ACBD5: variants seen among roughly 807,000 people sequenced by gnomAD.
The protein encoded by ACBD5 is acyl-CoA-binding domain-containing protein 5.
In ACBD5, 40 loss-of-function variants were observed where a neutral mutation model predicts 71.8. That is an observed-to-expected ratio of 0.56 (90% CI 0.43 to 0.72). ACBD5 has a LOEUF of 0.72. ACBD5 is among the 30% of genes least tolerant of loss of function. ACBD5 has a pLI of 0.00. For synonymous variants in ACBD5, 229 were observed against 218.6 expected (o/e 1.05, Z -0.42); for missense variants, 559 against 644.5 (o/e 0.87, Z 1.44).
In ACBD5 at chr10:27,195,849, A is replaced by G. The variant is rs754321564; in HGVS notation, c.*1581T>C. 25 of 449,014 alleles carry G rather than the reference A, an allele frequency of 5.6e-5. No homozygotes were observed. The highest frequency in any genetic ancestry group is 5.0e-4 in the African/African-American group (25 of 49,782). 27.8% of individuals were successfully genotyped at this position (449,014 alleles called of 1,614,324 possible). The stretch of plus-strand genomic sequence containing the variant: ...ACTAAAGACAGATTATTTCTTATTT[A>G]AAACACTGTGAACATATGATGTTAA... On this transcript the variant is annotated 3_prime_UTR_variant, in exon 13 of 13. Transcript: ENST00000396271.
intron 4 of ACBD5, among the ~76,000 whole-genome samples, chr10:27,229,596 G>A (rs2063591686): frequency 6.6e-6 from 1 of 151,974 alleles, no homozygotes; most frequent in Non-Finnish European, 1.5e-5. Context: ...AATTTAACAA[G>A]TGCTTCAATT....
Position 27,219,883 on chromosome 10 carries a change from C to T in ACBD5, c.491-26G>A, listed in dbSNP as rs550468090. ...CTAAAACATGAAATGACCACTTACT[C>T]ACAATGTGATAATATACAATAATGT... On this transcript the variant is annotated intron_variant, in intron 5 of 12. Coordinates refer to ENST00000396271, the MANE Select transcript of ACBD5 (RefSeq NM_145698.5). The T allele has an allele frequency of 3.1e-6, 5 of 1,611,318 alleles. No individual in the cohort carries two copies. The East Asian group carries it at 8.9e-5, about 29-fold the overall frequency.
intron 13 of ACBD5, among the ~76,000 whole-genome samples, chr10:27,184,504 A>G (rs1019236840): frequency 1.3e-5 from 2 of 151,626 alleles, no homozygotes; most frequent in Non-Finnish European, 2.9e-5. Context: ...TCTGAATGCA[A>G]CATATTGGTC....
chr10:27,186,459 G>A, intron 13 of ACBD5: 1 of 1,614,142 alleles, frequency 6.2e-7, no homozygotes, highest in African/African-American at 1.3e-5. Context: ...CCCCCAGCCA[G>A]ATGATGAAAC....
chr10:27,208,479 A>T lies in ACBD5; in HGVS notation c.1205-34T>A, dbSNP rs376203576. On this transcript the variant is annotated intron_variant, in intron 9 of 12. Transcript: ENST00000396271. ...AGAGGCAAAAATAAGCTTGTTTTAA[A>T]TAATTCTTATACAAGTAAAACTGTG... The T allele has an allele frequency of 1.9e-6, 3 of 1,598,448 alleles. No homozygotes were observed. The African/African-American group carries it at 4.0e-5, about 21-fold the overall frequency.
At chr10:27,222,759 C>CG (rs1158111161) in intron 5 of ACBD5, among the ~76,000 whole-genome samples, 1 of 151,804 alleles carries the variant, frequency 6.6e-6, no homozygotes, top group Non-Finnish European at 1.5e-5. Flanking sequence ...TTTGTAGAGA[C>CG]GGGGTTTCAC....
chr10:27,223,653 C>A (rs1167870275), intron 4 of ACBD5, among the ~76,000 whole-genome samples: 1 of 150,706 alleles, frequency 6.6e-6, no homozygotes, highest in African/African-American at 2.5e-5. Flanking sequence ...TGCCTGTAAT[C>A]CCAGCACTTT....
At chr10:27,227,869 C>T (rs2063290005) in intron 4 of ACBD5, among the ~76,000 whole-genome samples, 1 of 152,054 alleles carries the variant, frequency 6.6e-6, no homozygotes, top group Admixed American at 6.6e-5. Context: ...CCCGCCACCA[C>T]GCCCAGCTAA....
Position 27,219,810 on chromosome 10 carries a change from C to T in ACBD5, c.538G>A (p.Gly180Ser). 1 of 1,614,030 alleles carries T rather than the reference C, an allele frequency of 6.2e-7. No individual in the cohort carries two copies. The highest frequency in any genetic ancestry group is 8.5e-7 in the Non-Finnish European group (1 of 1,179,980). Reference protein sequence around the residue: ...TSTPNAKTVNGKAESSDSGAE... With the variant: ...TSTPNAKTVNSKAESSDSGAE... ...CCACTGTCACTGCTTTCAGCTTTAC[C>T]ATTAACGGTTTTGGCGTTTGGAGTA... is the stretch of plus-strand genomic sequence containing the variant. Residue 180 changes from glycine (G) to serine (S), a missense_variant, in exon 6 of 13, where the codon GGT becomes AGT. Gly to Ser is a moderately conservative substitution (Grantham distance 56). Coordinates refer to ENST00000396271, the MANE Select transcript of ACBD5 (RefSeq NM_145698.5).
At position 27,195,604 on chromosome 10, in the gene ACBD5, T is replaced by C. The variant is rs538667344; in HGVS notation, c.*1826A>G. 4.4e-5 allele frequency: 19 copies of C among 429,770 alleles called. No individual in the cohort carries two copies. Among genetic ancestry groups the C allele is most frequent in the African/African-American group, 3.7e-4 (18 of 48,638 alleles). The allele number at this position is 429,770 out of a possible 1,614,324, so 26.6% of individuals were successfully genotyped here. A position where few individuals can be genotyped will look rare whatever the true frequency, so the allele number is the denominator to read the frequency against. ...TTTGATCCACAGGTCTAAATGTTAT[T>C]TTTACATATAAATTCAGTTGCTTGC... On this transcript the variant is annotated 3_prime_UTR_variant, in exon 13 of 13. Coordinates refer to ENST00000396271, the MANE Select transcript of ACBD5 (RefSeq NM_145698.5).
intron 13 of ACBD5, among the ~76,000 whole-genome samples, chr10:27,189,717 TAACA>T (rs1329121469): frequency 6.6e-6 from 1 of 151,590 alleles, no homozygotes; most frequent in East Asian, 1.9e-4. Flanking sequence ...TATACATATG[TAACA>T]AACCTGCACG....
chr10:27,238,958 G>A (rs879349487), intron 2 of ACBD5, among the ~76,000 whole-genome samples: 1 of 152,164 alleles, frequency 6.6e-6, no homozygotes, highest in East Asian at 1.9e-4. Flanking sequence ...AGCACTTTGG[G>A]TGGCCCAGGA....
chr10:27,225,537 CTGAA>C (rs1359109713), intron 4 of ACBD5, among the ~76,000 whole-genome samples: 1 of 152,102 alleles, frequency 6.6e-6, no homozygotes, highest in Non-Finnish European at 1.5e-5. Context: ...TGCTGCTCCT[CTGAA>C]TGTACTGTGA....
At chr10:27,186,796 C>T in intron 13 of ACBD5, 1 of 452,780 alleles carries the variant, frequency 2.2e-6, no homozygotes, top group East Asian at 4.4e-5. Context: ...TTTATGAAAA[C>T]TGAAGCATCA....
intron 2 of ACBD5, among the ~76,000 whole-genome samples, chr10:27,235,865 C>A (rs2064604451): frequency 6.6e-6 from 1 of 152,102 alleles, no homozygotes; most frequent in Non-Finnish European, 1.5e-5. Context: ...GTAATCCCAG[C>A]ACTTTGTGAG....
chr10:27,199,092 C>T (rs930195847), intron 12 of ACBD5, among the ~76,000 whole-genome samples: 1 of 151,142 alleles, frequency 6.6e-6, no homozygotes, highest in African/African-American at 2.4e-5. Flanking sequence ...CTAGGTGACA[C>T]AGCAAGACTC....
chr10:27,204,795 T>G (rs560324180), intron 11 of ACBD5, among the ~76,000 whole-genome samples: 1 of 152,230 alleles, frequency 6.6e-6, no homozygotes, highest in African/African-American at 2.4e-5. Context: ...TCATTTGGAA[T>G]GATTTAAAGA....
At chr10:27,201,009 C>A (rs1459032229) in intron 12 of ACBD5, among the ~76,000 whole-genome samples, 1 of 151,648 alleles carries the variant, frequency 6.6e-6, no homozygotes, top group Non-Finnish European at 1.5e-5. Context: ...CCCATCTCAA[C>A]AAAAATAAGA....
chr10:27,186,854 T>G, intron 13 of ACBD5: 1 of 341,252 alleles, frequency 2.9e-6, no homozygotes, highest in South Asian at 3.0e-5. Flanking sequence ...CTTGATTTTC[T>G]TTCTCCTCTG....
Sources: gnomAD v4.1 joint callset for allele counts (sites outside exome capture counted in the v4.1 genomes callset) on GRCh38, gnomAD v4.1.1 for gene constraint, MANE v1.5 for transcripts, NCBI Gene and HGNC (gene_info 2026-07-23, HGNC 2026-07-21) for gene names.